The following SGCZ variants were observed in gnomAD, a reference collection of about 807,000 sequenced individuals.
SGCZ encodes sarcoglycan zeta.
A neutral mutation model predicts 41.3 loss-of-function variants in SGCZ; 40 were observed. The ratio of observed to expected loss-of-function variants is 0.97; its 90% CI spans 0.75 to 1.26. SGCZ has a LOEUF of 1.26. Among genes scored for constraint, SGCZ ranks in the 50% most tolerant of loss-of-function variants. The pLI is 0.00. For missense variants in SGCZ, 552 were observed against 369.8 expected (o/e 1.49, Z -4.04); for synonymous variants, 206 against 137.5 (o/e 1.50, Z -3.49).
At chr8:14,794,214 G>C (rs373747471) in intron 1 of SGCZ, among the ~76,000 whole-genome samples, 1 of 152,218 alleles carries the variant, frequency 6.6e-6, no homozygotes, top group African/African-American at 2.4e-5. Flanking sequence ...CAAAGTCTCT[G>C]ATGTGGAAGG....
At chr8:14,990,195 G>T (rs184573687) in intron 1 of SGCZ, among the ~76,000 whole-genome samples, 3 of 152,056 alleles carry the variant, frequency 2.0e-5, no homozygotes, top group African/African-American at 7.2e-5. Flanking sequence ...TCAAAGCCTC[G>T]TGCTTAGAGT....
intron 3 of SGCZ, among the ~76,000 whole-genome samples, chr8:14,303,294 C>T (rs1046147801): frequency 4.6e-5 from 7 of 152,116 alleles, no homozygotes; most frequent in African/African-American, 1.7e-4. Flanking sequence ...ATGAAATGAA[C>T]ATGAATTACA....
chr8:14,360,535 AGGCTG>A (rs1803473970), intron 2 of SGCZ, among the ~76,000 whole-genome samples: 1 of 152,098 alleles, frequency 6.6e-6, no homozygotes, highest in African/African-American at 2.4e-5. Flanking sequence ...CATGTTGGCC[AGGCTG>A]GTCTCGAACT....
At chr8:15,145,876 A>G (rs561401013) in intron 1 of SGCZ, among the ~76,000 whole-genome samples, 1 of 152,314 alleles carries the variant, frequency 6.6e-6, no homozygotes, top group Non-Finnish European at 1.5e-5. Context: ...AAACACATAT[A>G]TTTATCTCCT....
chr8:14,415,580 G>C (rs1799471881), intron 2 of SGCZ, among the ~76,000 whole-genome samples: 1 of 151,958 alleles, frequency 6.6e-6, no homozygotes, highest in Non-Finnish European at 1.5e-5. Context: ...TACAGTAAGT[G>C]AGACAGTTGA....
In SGCZ at chr8:14,371,670, T is replaced by C. The variant is rs75038586; in HGVS notation, c.235-47466A>G. Among the ~76,000 whole-genome samples the C allele has an allele frequency of 1.1e-3, 162 of 152,164 alleles. 1 individual carries two copies. The East Asian group carries it at 0.029, about 28-fold the overall frequency. Reference sequence around the variant, plus strand: ...TATTAATTAATCAATCAAAAATCAATCAGTTAACCAGCCAGTCATTTACTC... The same window carrying C: ...TATTAATTAATCAATCAAAAATCAACCAGTTAACCAGCCAGTCATTTACTC... On this transcript the variant is annotated intron_variant, in intron 2 of 7. Coordinates refer to ENST00000382080, the MANE Select transcript of SGCZ (RefSeq NM_139167.4).
At chr8:15,057,871 C>A (rs2131004951) in intron 1 of SGCZ, among the ~76,000 whole-genome samples, 1 of 152,244 alleles carries the variant, frequency 6.6e-6, no homozygotes, top group East Asian at 1.9e-4. Flanking sequence ...AATGTATTCA[C>A]CCACTTGTGA....
chr8:14,223,434 C>T (rs1161222288), intron 4 of SGCZ, among the ~76,000 whole-genome samples: 1 of 151,970 alleles, frequency 6.6e-6, no homozygotes, highest in East Asian at 1.9e-4. Context: ...GATTATTTTT[C>T]AATATATATT....
At chr8:14,118,050 G>C (rs996047178) in intron 5 of SGCZ, among the ~76,000 whole-genome samples, 2 of 151,980 alleles carry the variant, frequency 1.3e-5, no homozygotes, top group African/African-American at 2.4e-5. Flanking sequence ...ACATAGCTGT[G>C]CATGTGTCTT....
chr8:14,781,136 G>T (rs1486958143), intron 1 of SGCZ, among the ~76,000 whole-genome samples: 1 of 152,074 alleles, frequency 6.6e-6, no homozygotes, highest in Non-Finnish European at 1.5e-5. Flanking sequence ...TTAGAAACAT[G>T]GCTTATTGAA....
chr8:14,993,331 T>C (rs1802090714), intron 1 of SGCZ, among the ~76,000 whole-genome samples: 1 of 152,098 alleles, frequency 6.6e-6, no homozygotes, highest in Non-Finnish European at 1.5e-5. Flanking sequence ...TTATTAAGCA[T>C]CTAGGATGTA....
intron 1 of SGCZ, among the ~76,000 whole-genome samples, chr8:14,719,559 G>A (rs1809811579): frequency 6.6e-6 from 1 of 152,064 alleles, no homozygotes; most frequent in Admixed American, 6.6e-5. Context: ...ACTGGTGTGA[G>A]ATGGTATCTC....
chr8:14,686,353 TAAATAAAATGTTTCCAAGGGAG>T (rs1458738886), intron 1 of SGCZ, among the ~76,000 whole-genome samples: 2 of 152,038 alleles, frequency 1.3e-5, no homozygotes, highest in East Asian at 3.9e-4. Flanking sequence ...TCTGGTGCAC[TAAATAAAATGTTTCCAAGGGAG>T]AAACAGGAGT....
intron 1 of SGCZ, among the ~76,000 whole-genome samples, chr8:15,126,709 A>T (rs574714335): frequency 1.3e-5 from 2 of 152,182 alleles, no homozygotes; most frequent in African/African-American, 2.4e-5. Context: ...AGGAAGAGTG[A>T]ACAGTGTGTA....
At chr8:14,130,066 T>G (rs963791279) in intron 5 of SGCZ, among the ~76,000 whole-genome samples, 4 of 152,206 alleles carry the variant, frequency 2.6e-5, no homozygotes, top group African/African-American at 9.7e-5. Flanking sequence ...TCACAGTTTC[T>G]GATTATAAAA....
intron 3 of SGCZ, among the ~76,000 whole-genome samples, chr8:14,293,716 G>C (rs1800921109): frequency 6.6e-6 from 1 of 151,636 alleles, no homozygotes; most frequent in South Asian, 2.1e-4. Context: ...AATTACAGGG[G>C]AATTATTGAT....
At chr8:14,932,531 G>C (rs1000256992) in intron 1 of SGCZ, among the ~76,000 whole-genome samples, 4 of 151,968 alleles carry the variant, frequency 2.6e-5, no homozygotes, top group African/African-American at 4.8e-5. Context: ...AGAAAGAAGG[G>C]AAGGGGCAAT....
intron 1 of SGCZ, among the ~76,000 whole-genome samples, chr8:14,631,158 G>A (rs1411690826): frequency 6.6e-6 from 1 of 151,888 alleles, no homozygotes; most frequent in Admixed American, 6.6e-5. Context: ...TGCGCCACTC[G>A]AATCTCCAAC....
At chr8:14,813,042 T>C (rs1284267069) in intron 1 of SGCZ, among the ~76,000 whole-genome samples, 2 of 152,202 alleles carry the variant, frequency 1.3e-5, no homozygotes, top group South Asian at 2.1e-4. Flanking sequence ...ATAATTGAAA[T>C]GTTAAATACT....
Sources: allele counts gnomAD v4.1 joint callset (sites outside exome capture counted in the v4.1 genomes callset), GRCh38; gene constraint gnomAD v4.1.1; transcripts MANE v1.5; gene names NCBI Gene and HGNC (gene_info 2026-07-23, HGNC 2026-07-21).